PVT1: variants seen among roughly 807,000 people sequenced by gnomAD.
PVT1 encodes the protein Pvt1 oncogene, also known as CXCR4/PVT1 fusion.
chr8:127,837,703 T>C (rs1287935420), intron 2 of PVT1, among the ~76,000 whole-genome samples: 3 of 151,874 alleles, frequency 2.0e-5, no homozygotes, highest in Non-Finnish European at 2.9e-5. Context: ...AGAAGATGAG[T>C]ATTGTTTAGC....
At chr8:128,057,351 G>A (rs1169115580) in intron 4 of PVT1, among the ~76,000 whole-genome samples, 1 of 152,158 alleles carries the variant, frequency 6.6e-6, no homozygotes, top group Non-Finnish European at 1.5e-5. Context: ...AAACCCTTAT[G>A]ACCTAACCGG....
chr8:128,008,421 A>G (rs1817272848), intron 4 of PVT1, among the ~76,000 whole-genome samples: 1 of 152,218 alleles, frequency 6.6e-6, no homozygotes, highest in African/African-American at 2.4e-5. Context: ...TTTATCAATG[A>G]GGAAACTGAT....
intron 2 of PVT1, among the ~76,000 whole-genome samples, chr8:127,825,721 C>T (rs1335866813): frequency 6.6e-6 from 1 of 152,156 alleles, no homozygotes; most frequent in African/African-American, 2.4e-5. Flanking sequence ...CTGTATGTTC[C>T]TAGCCGCGTC....
intron 2 of PVT1, among the ~76,000 whole-genome samples, chr8:127,802,839 C>T (rs939148905): frequency 7.9e-5 from 12 of 152,162 alleles, no homozygotes; most frequent in African/African-American, 2.9e-4. Flanking sequence ...AGAAAGAAGG[C>T]AGGTTGAAAT....
At chr8:127,911,317 G>A (rs951056452) in intron 3 of PVT1, among the ~76,000 whole-genome samples, 1 of 152,232 alleles carries the variant, frequency 6.6e-6, no homozygotes, top group African/African-American at 2.4e-5. Flanking sequence ...ATGCAGCTGG[G>A]TTGAGACTCA....
intron 4 of PVT1, among the ~76,000 whole-genome samples, chr8:128,009,890 A>G (rs1043232613): frequency 1.3e-5 from 2 of 152,240 alleles, no homozygotes; most frequent in African/African-American, 2.4e-5. Flanking sequence ...TGAGATTCTG[A>G]CATAGGAACT....
intron 5 of PVT1, among the ~76,000 whole-genome samples, chr8:128,095,087 T>G (rs1278527912): frequency 2.6e-5 from 4 of 152,216 alleles, no homozygotes; most frequent in Admixed American, 2.0e-4. Flanking sequence ...CATAGGAGAT[T>G]GCAGCTGCAG....
intron 3 of PVT1, among the ~76,000 whole-genome samples, chr8:127,936,116 A>T (rs934085921): frequency 3.6e-5 from 5 of 139,336 alleles, no homozygotes; most frequent in Admixed American, 8.1e-5. Flanking sequence ...CAATGGCGCG[A>T]TCTTGGCTCA....
chr8:128,021,217 C>T (rs1817430178), intron 4 of PVT1, among the ~76,000 whole-genome samples: 2 of 151,790 alleles, frequency 1.3e-5, no homozygotes, highest in Non-Finnish European at 2.9e-5. Context: ...GGGCACATCC[C>T]CCAGCCTAGG....
chr8:127,807,495 G>A (rs757748830), intron 2 of PVT1, among the ~76,000 whole-genome samples: 2 of 151,952 alleles, frequency 1.3e-5, no homozygotes, highest in Non-Finnish European at 2.9e-5. Flanking sequence ...CACCATGCCT[G>A]TATTTTTTGT....
chr8:128,014,574 G>A (rs1192842501), intron 4 of PVT1, among the ~76,000 whole-genome samples: 5 of 152,190 alleles, frequency 3.3e-5, no homozygotes, highest in East Asian at 1.9e-4. Context: ...GGCCGTGGGC[G>A]GTGCTGATAA....
intron 2 of PVT1, among the ~76,000 whole-genome samples, chr8:127,866,078 G>A (rs550513301): frequency 7.3e-5 from 11 of 151,682 alleles, no homozygotes; most frequent in Admixed American, 2.6e-4. Context: ...CCAGGATGGC[G>A]TGTTGGTGCA....
At chr8:127,851,719 G>A (rs1322843929) in intron 2 of PVT1, among the ~76,000 whole-genome samples, 1 of 152,144 alleles carries the variant, frequency 6.6e-6, no homozygotes, top group African/African-American at 2.4e-5. Context: ...TCTCAGAGAT[G>A]AGACGTGAGC....
chr8:128,020,671 C>T lies in PVT1; in HGVS notation n.912+31380C>T, dbSNP rs76231978. Among the ~76,000 whole-genome samples, 1,273 of 152,336 alleles carry T rather than the reference C, an allele frequency of 8.4e-3. 20 individuals carry two copies. Among genetic ancestry groups the T allele is most frequent in the African/African-American group, 0.029 (1,209 of 41,572 alleles). ...TGAATTCAGCTTCATGAACCAGGAG[C>T]AGGGAAACCAGCTGAGCCAACCCAC... On this transcript the variant is annotated intron_variant and non_coding_transcript_variant, in intron 4 of 10. Transcript: ENST00000651587.
chr8:127,836,995 C>T (rs1814916469), intron 2 of PVT1, among the ~76,000 whole-genome samples: 1 of 152,176 alleles, frequency 6.6e-6, no homozygotes, highest in Non-Finnish European at 1.5e-5. Context: ...AGTTGGACTT[C>T]ACTGGCCTGT....
intron 2 of PVT1, among the ~76,000 whole-genome samples, chr8:127,867,256 G>A (rs1026729592): frequency 6.6e-5 from 10 of 152,370 alleles, no homozygotes; most frequent in Non-Finnish European, 1.3e-4. Flanking sequence ...ACACTTGCCT[G>A]GGAGGGTGGA....
chr8:127,977,508 G>A (rs183866610), intron 3 of PVT1, among the ~76,000 whole-genome samples: 48 of 152,242 alleles, frequency 3.2e-4, no homozygotes, highest in Admixed American at 1.9e-3. Context: ...TGAGGTGGGC[G>A]GATCACTTGA....
rs73355233 is a variant in PVT1 at position 127,842,626 on chromosome 8, G to A, written n.372+46555G>A. Reference sequence around the variant, plus strand: ...CAACTCTGGACTCCACAGAAAGGCCGAGTCTCTCCAAGACCCAGCCGTCTT... The same window carrying A: ...CAACTCTGGACTCCACAGAAAGGCCAAGTCTCTCCAAGACCCAGCCGTCTT... On this transcript the variant is annotated intron_variant and non_coding_transcript_variant, in intron 2 of 10. Coordinates refer to ENST00000651587, the Ensembl canonical transcript of PVT1. Among the ~76,000 whole-genome samples the A allele has an allele frequency of 8.9e-3, 1,347 of 152,118 alleles. 26 individuals are homozygous for A. The highest frequency in any genetic ancestry group is 0.03 in the African/African-American group (1,265 of 41,480).
intron 2 of PVT1, among the ~76,000 whole-genome samples, chr8:127,846,653 T>C (rs530442565): frequency 6.6e-6 from 1 of 152,102 alleles, no homozygotes; most frequent in East Asian, 1.9e-4. Context: ...CTGCACAATA[T>C]AAAGACAGCT....
Sources: gnomAD v4.1 joint callset for allele counts (sites outside exome capture counted in the v4.1 genomes callset) on GRCh38, gnomAD v4.1.1 for gene constraint, MANE v1.5 for transcripts, NCBI Gene and HGNC (gene_info 2026-07-23, HGNC 2026-07-21) for gene names.